ZDHHC14: variants seen among roughly 807,000 people sequenced by gnomAD.
The protein encoded by ZDHHC14 is palmitoyltransferase ZDHHC14.
ZDHHC14 carries 16 observed loss-of-function variants against 47.7 expected under a neutral mutation model. The observed-to-expected ratio is 0.34, with a 90% confidence interval of 0.23 to 0.51. The LOEUF is 0.51. Among genes scored for constraint, ZDHHC14 ranks in the 20% least tolerant of loss-of-function variants. The pLI, the probability that ZDHHC14 is intolerant of heterozygous loss-of-function variation, is 0.97. For synonymous variants in ZDHHC14, 293 were observed against 278.9 expected (o/e 1.05, Z -0.50); for missense variants, 515 against 662.5 (o/e 0.78, Z 2.44).
Position 157,444,321 on chromosome 6 carries a change from G to A in ZDHHC14, c.245+62055G>A, listed in dbSNP as rs142491861. On this transcript the variant is annotated intron_variant, in intron 1 of 8. Transcript: ENST00000359775. ...TGGGCTGTTTGGTAGCGGACACCACGGAATACACATTGAGGCAGGGAGCTC... is the reference window on the plus strand; with the variant it reads ...TGGGCTGTTTGGTAGCGGACACCACAGAATACACATTGAGGCAGGGAGCTC... Among the ~76,000 whole-genome samples the A allele has an allele frequency of 7.0e-3, 1,069 of 152,274 alleles. 14 individuals are homozygous for A. Among genetic ancestry groups the A allele is most frequent in the African/African-American group, 0.023 (970 of 41,552 alleles).
chr6:157,455,022 A>G (rs1778880740), intron 1 of ZDHHC14, among the ~76,000 whole-genome samples: 1 of 152,172 alleles, frequency 6.6e-6, no homozygotes, highest in East Asian at 1.9e-4. Flanking sequence ...TAACACTCTC[A>G]TTTATCGCAA....
intron 2 of ZDHHC14, among the ~76,000 whole-genome samples, chr6:157,574,491 C>T (rs975053134): frequency 3.9e-5 from 6 of 152,112 alleles, no homozygotes; most frequent in African/African-American, 7.2e-5. Context: ...CCTCTGAGGT[C>T]CAATTCTGCA....
At chr6:157,453,893 C>T (rs1778858852) in intron 1 of ZDHHC14, among the ~76,000 whole-genome samples, 1 of 151,902 alleles carries the variant, frequency 6.6e-6, no homozygotes, top group Admixed American at 6.6e-5. Flanking sequence ...TTTATTCTGC[C>T]TCTGAAAATA....
chr6:157,552,211 C>A (rs184983694), intron 2 of ZDHHC14, among the ~76,000 whole-genome samples: 3 of 151,930 alleles, frequency 2.0e-5, no homozygotes, highest in Non-Finnish European at 4.4e-5. Flanking sequence ...GTGTAACTGG[C>A]GTATTTGGGA....
intron 2 of ZDHHC14, among the ~76,000 whole-genome samples, chr6:157,578,660 G>A (rs1397820797): frequency 2.0e-5 from 3 of 152,150 alleles, no homozygotes; most frequent in African/African-American, 7.2e-5. Context: ...TCATGGGGGT[G>A]GTTTCCCCTA....
intron 1 of ZDHHC14, among the ~76,000 whole-genome samples, chr6:157,429,347 C>T (rs1284011767): frequency 6.6e-6 from 1 of 152,120 alleles, no homozygotes; most frequent in African/African-American, 2.4e-5. Flanking sequence ...TTTTGTGAAA[C>T]TTTTGTTTCA....
chr6:157,590,792 A>C (rs1217543674), intron 2 of ZDHHC14, among the ~76,000 whole-genome samples: 1 of 152,204 alleles, frequency 6.6e-6, no homozygotes. Flanking sequence ...GACATCTTGC[A>C]CTGTGTGCCC....
chr6:157,656,378 A>C (rs1583083761), intron 8 of ZDHHC14, among the ~76,000 whole-genome samples: 1 of 150,700 alleles, frequency 6.6e-6, no homozygotes, highest in Non-Finnish European at 1.5e-5. Flanking sequence ...TCTGCCACCC[A>C]GGCTGGAATG....
At chr6:157,567,803 C>T (rs4708857) in intron 2 of ZDHHC14, among the ~76,000 whole-genome samples, 71,988 of 146,812 alleles carry the variant, frequency 0.49, 18,345 homozygotes, top group African/African-American at 0.65. Flanking sequence ...AGAGTGAGAC[C>T]CCATCTCAAA....
intron 1 of ZDHHC14, among the ~76,000 whole-genome samples, chr6:157,423,029 T>C (rs1180942198): frequency 6.6e-6 from 1 of 152,240 alleles, no homozygotes; most frequent in Non-Finnish European, 1.5e-5. Context: ...GAAAATGTTT[T>C]CCAGGCCAAA....
chr6:157,637,303 C>T (rs1027488132), intron 5 of ZDHHC14, among the ~76,000 whole-genome samples: 2 of 152,082 alleles, frequency 1.3e-5, no homozygotes, highest in Non-Finnish European at 2.9e-5. Context: ...GGGTCTGGCC[C>T]GCAGAAGCCC....
chr6:157,545,898 T>C (rs1262303459), intron 2 of ZDHHC14, among the ~76,000 whole-genome samples: 1 of 152,152 alleles, frequency 6.6e-6, no homozygotes, highest in Non-Finnish European at 1.5e-5. Flanking sequence ...ATGGCATGGA[T>C]CTTTTGAGGT....
At chr6:157,531,805 C>T (rs144711431) in intron 1 of ZDHHC14, among the ~76,000 whole-genome samples, 64 of 152,388 alleles carry the variant, frequency 4.2e-4, no homozygotes, top group African/African-American at 1.3e-3. Flanking sequence ...GAAAAACTTT[C>T]CAAGACTCAA....
At chr6:157,466,033 TTC>T (rs1218014448) in intron 1 of ZDHHC14, among the ~76,000 whole-genome samples, 1 of 151,736 alleles carries the variant, frequency 6.6e-6, no homozygotes, top group African/African-American at 2.4e-5. Context: ...CAGAGTGAGA[TTC>T]TGTCTCAAAG....
In ZDHHC14 at chr6:157,404,606, T is replaced by G. The variant is rs2250330; in HGVS notation, c.245+22340T>G. On this transcript the variant is annotated intron_variant, in intron 1 of 8. Transcript: ENST00000359775. ...TCTCCTGTCTCTCTAAAGTGCCCATTTGAGGGGATAAAAATAGCTGTTGAC... is the reference window on the plus strand; with the variant it reads ...TCTCCTGTCTCTCTAAAGTGCCCATGTGAGGGGATAAAAATAGCTGTTGAC... Among the ~76,000 whole-genome samples the G allele has an allele frequency of 7.5e-3, 1,147 of 152,192 alleles. 8 individuals are homozygous for G. Among genetic ancestry groups the G allele is most frequent in the Non-Finnish European group, 0.014 (920 of 68,008 alleles).
At chr6:157,495,460 C>T (rs1294833855) in intron 1 of ZDHHC14, among the ~76,000 whole-genome samples, 2 of 152,118 alleles carry the variant, frequency 1.3e-5, no homozygotes, top group African/African-American at 2.4e-5. Context: ...TGCCTATAAT[C>T]CCAGCCAGCC....
At chr6:157,483,290 C>G (rs992239860) in intron 1 of ZDHHC14, among the ~76,000 whole-genome samples, 4 of 152,160 alleles carry the variant, frequency 2.6e-5, no homozygotes, top group African/African-American at 9.7e-5. Context: ...TTTCTCCCTG[C>G]TGACACTCTG....
At chr6:157,471,817 C>A (rs1472436005) in intron 1 of ZDHHC14, among the ~76,000 whole-genome samples, 1 of 152,202 alleles carries the variant, frequency 6.6e-6, no homozygotes, top group African/African-American at 2.4e-5. Flanking sequence ...TCATTCCCTC[C>A]TCTATGAAGT....
chr6:157,429,660 A>C (rs1014658559), intron 1 of ZDHHC14, among the ~76,000 whole-genome samples: 2 of 152,078 alleles, frequency 1.3e-5, no homozygotes, highest in East Asian at 3.9e-4. Flanking sequence ...AAAGAAATAA[A>C]GAAGGAAGGA....
Sources: gnomAD v4.1 joint callset for allele counts (sites outside exome capture counted in the v4.1 genomes callset) on GRCh38, gnomAD v4.1.1 for gene constraint, MANE v1.5 for transcripts, NCBI Gene and HGNC (gene_info 2026-07-23, HGNC 2026-07-21) for gene names.